The following SAMD5 variants were observed in gnomAD, a reference collection of about 807,000 sequenced individuals.
The protein encoded by SAMD5 is sterile alpha motif domain containing 5.
In SAMD5, 13 loss-of-function variants were observed where a neutral mutation model predicts 11.3. The ratio of observed to expected loss-of-function variants is 1.15; its 90% CI spans 0.75 to 1.83. The LOEUF (loss-of-function observed/expected upper bound fraction) is 1.83, where lower values mean the gene tolerates loss of function less well. Ranked by LOEUF, SAMD5 falls within the 40% of genes most tolerant of loss-of-function variation. The pLI is 0.00. For missense variants in SAMD5, 255 were observed against 239.1 expected, an observed-to-expected ratio of 1.07 and a Z score of -0.44; for synonymous variants, 129 against 111.3, an observed-to-expected ratio of 1.16 and a Z score of -1.00.
intron 1 of SAMD5, chr6:147,692,273 G>C (rs1256466602): frequency 2.0e-5 from 3 of 152,148 alleles, no homozygotes; most frequent in Admixed American, 2.0e-4. Context: ...CCTCTTTTGT[G>C]TTGTAAATCT....
the SAMD5 span, among the ~76,000 whole-genome samples, chr6:147,779,580 C>T: frequency 6.6e-6 from 1 of 151,596 alleles, no homozygotes; most frequent in East Asian, 1.9e-4. Flanking sequence ...ACTGCAACGT[C>T]TGCCTCCTGG....
chr6:147,625,382 A>T (rs1157722793), intron 1 of SAMD5, among the ~76,000 whole-genome samples: 1 of 152,186 alleles, frequency 6.6e-6, no homozygotes, highest in Non-Finnish European at 1.5e-5. Flanking sequence ...CTCTCATGCT[A>T]CCAAATAAAG....
chr6:147,914,731 A>G, the SAMD5 span, among the ~76,000 whole-genome samples: 944 of 152,294 alleles, frequency 6.2e-3, 6 homozygotes, highest in Non-Finnish European at 1.0e-2. Flanking sequence ...CAGTAATTAT[A>G]TAGTGGAGTA....
chr6:147,862,460 C>A, the SAMD5 span, among the ~76,000 whole-genome samples: 1 of 152,114 alleles, frequency 6.6e-6, no homozygotes, highest in Non-Finnish European at 1.5e-5. Context: ...TGCCTACTAC[C>A]AAGATGAAAA....
At chr6:147,739,113 C>T (rs1263504134), downstream of SAMD5, among the ~76,000 whole-genome samples, 1 of 152,156 alleles carries the variant, frequency 6.6e-6, no homozygotes, top group East Asian at 1.9e-4. Flanking sequence ...GAAAAAGCAT[C>T]ACAGTAATCA....
the SAMD5 span, among the ~76,000 whole-genome samples, chr6:147,894,597 C>G: frequency 9.9e-5 from 15 of 152,144 alleles, no homozygotes; most frequent in African/African-American, 3.6e-4. Context: ...GTATTTATAA[C>G]CCCTCTTAAG....
At chr6:147,777,339 G>T in the SAMD5 span, among the ~76,000 whole-genome samples, 1 of 151,998 alleles carries the variant, frequency 6.6e-6, no homozygotes, top group Admixed American at 6.6e-5. Flanking sequence ...TTCCTGATCC[G>T]TCCACCCACT....
intron 1 of SAMD5, among the ~76,000 whole-genome samples, chr6:147,514,799 T>C (rs13205501): frequency 0.056 from 8,459 of 152,234 alleles, 297 homozygotes; most frequent in Admixed American, 0.088. Context: ...GTAGGAGTGT[T>C]CATCTTCATT....
At chr6:147,685,946 A>C (rs75160705) in intron 1 of SAMD5, among the ~76,000 whole-genome samples, 17,501 of 152,262 alleles carry the variant, frequency 0.11, 1,103 homozygotes, top group Middle Eastern at 0.16. Flanking sequence ...GGTGGAAAAG[A>C]TACCAGCAAA....
At chr6:147,535,722 G>C (rs561144293) in intron 1 of SAMD5, among the ~76,000 whole-genome samples, 1 of 152,034 alleles carries the variant, frequency 6.6e-6, no homozygotes, top group Non-Finnish European at 1.5e-5. Flanking sequence ...TTTGAAAGTC[G>C]AGCCTAGCCA....
At chr6:147,906,750 C>T in the SAMD5 span, among the ~76,000 whole-genome samples, 115 of 152,294 alleles carry the variant, frequency 7.6e-4, no homozygotes, top group African/African-American at 2.7e-3. Context: ...ATGCAATGCA[C>T]ACTTCCAGAA....
At chr6:147,829,299 C>A in the SAMD5 span, among the ~76,000 whole-genome samples, 2 of 152,272 alleles carry the variant, frequency 1.3e-5, no homozygotes, top group African/African-American at 4.8e-5. Context: ...CCTGAGAATG[C>A]GAGGAGAAGC....
At chr6:147,859,539 C>A in the SAMD5 span, among the ~76,000 whole-genome samples, 942 of 152,106 alleles carry the variant, frequency 6.2e-3, 5 homozygotes, top group Non-Finnish European at 0.01. Context: ...CGTGAGTAGG[C>A]GAAACATTAG....
At chr6:147,915,062 G>A in the SAMD5 span, among the ~76,000 whole-genome samples, 2 of 152,096 alleles carry the variant, frequency 1.3e-5, no homozygotes, top group Non-Finnish European at 2.9e-5. Flanking sequence ...TGTACTATGG[G>A]GGAAAGAAAT....
At chr6:147,729,415 T>C (rs1010422400) in intron 1 of SAMD5, among the ~76,000 whole-genome samples, 6 of 152,218 alleles carry the variant, frequency 3.9e-5, no homozygotes, top group Non-Finnish European at 7.3e-5. Flanking sequence ...TGGAGGAATT[T>C]ATTTATTTCC....
intron 1 of SAMD5, among the ~76,000 whole-genome samples, chr6:147,724,923 CA>C (rs138000383): frequency 6.6e-6 from 1 of 150,698 alleles, no homozygotes; most frequent in Non-Finnish European, 1.5e-5. Flanking sequence ...CTCAAAAAAA[CA>C]AAAAAAAACT....
chr6:147,804,989 A>G, the SAMD5 span, among the ~76,000 whole-genome samples: 2 of 152,262 alleles, frequency 1.3e-5, no homozygotes, highest in Admixed American at 6.5e-5. Context: ...TCATCTTTCC[A>G]TGAGTGAACA....
At chr6:147,560,817 T>C (rs191041628) in intron 1 of SAMD5, among the ~76,000 whole-genome samples, 10 of 152,294 alleles carry the variant, frequency 6.6e-5, no homozygotes, top group Non-Finnish European at 4.4e-5. Context: ...TGATAGGAGA[T>C]TTGGCATAGG....
intron 1 of SAMD5, among the ~76,000 whole-genome samples, chr6:147,555,675 C>G (rs192335630): frequency 4.0e-4 from 61 of 152,204 alleles, no homozygotes; most frequent in African/African-American, 1.4e-3. Flanking sequence ...ACCATAAAAT[C>G]ATGTATGGGG....
Sources: gnomAD v4.1 joint callset for allele counts (sites outside exome capture counted in the v4.1 genomes callset) on GRCh38, gnomAD v4.1.1 for gene constraint, MANE v1.5 for transcripts, NCBI Gene and HGNC (gene_info 2026-07-23, HGNC 2026-07-21) for gene names.